The following KCNQ1 variants were observed in gnomAD, a reference collection of about 807,000 sequenced individuals.
KCNQ1 encodes potassium voltage-gated channel subfamily KQT member 1.
Under a neutral mutation model 72.4 loss-of-function variants are expected in KCNQ1, and 49 were observed. The observed-to-expected ratio is 0.68, with a 90% confidence interval of 0.54 to 0.86. KCNQ1 has a LOEUF of 0.86. Among genes scored for constraint, KCNQ1 ranks in the 40% least tolerant of loss-of-function variants. KCNQ1 has a pLI of 0.00. For missense variants in KCNQ1, 790 were observed against 945.1 expected (o/e 0.84, Z 2.15); for synonymous variants, 450 against 412.6 (o/e 1.09, Z -1.10).
Position 2,803,204 on chromosome 11 carries a change from C to T in KCNQ1, c.1794+25167C>T, listed in dbSNP as rs957507471. Among the ~76,000 whole-genome samples the T allele has an allele frequency of 1.3e-5, 2 of 152,148 alleles. No homozygotes were observed. Among genetic ancestry groups the T allele is most frequent in the African/African-American group, 4.8e-5 (2 of 41,418 alleles). On this transcript the variant is annotated intron_variant, in intron 15 of 15. Coordinates refer to ENST00000155840, the MANE Select transcript of KCNQ1 (RefSeq NM_000218.3). This position sits in a 1 kb window ranked among gnomAD's most constrained non-coding sequence, Gnocchi z 6.4. The stretch of plus-strand genomic sequence containing the variant: ...AACCGCCCTGGCTTTGCTGGAGGAC[C>T]TGCCATGGCTTTGCCAGAAGACCCT...
chr11:2,547,923 G>A lies in KCNQ1; in HGVS notation c.477+19905G>A, dbSNP rs1392522685. Among the ~76,000 whole-genome samples, 3 of 152,218 alleles carry A rather than the reference G, an allele frequency of 2.0e-5. No individual in the cohort carries two copies. The highest frequency in any genetic ancestry group is 4.4e-5 in the Non-Finnish European group (3 of 68,042). On this transcript the variant is annotated intron_variant, in intron 2 of 15. Coordinates refer to ENST00000155840, the MANE Select transcript of KCNQ1 (RefSeq NM_000218.3). The surrounding 1 kb of genome is among the most constrained non-coding windows in gnomAD (Gnocchi z 4.2). ...GACCCGGATGGGGCGTGTGCCTGGC[G>A]CGGGTGGAGGGAGCTGTGAGGAGCC...
At chr11:2,837,378 GGAGAGCCC>G (rs1848092382) in intron 15 of KCNQ1, among the ~76,000 whole-genome samples, 1 of 152,104 alleles carries the variant, frequency 6.6e-6, no homozygotes, top group South Asian at 2.1e-4. Flanking sequence ...CTGGGGCCCA[GGAGAGCCC>G]GCTCCGCGCT....
intron 1 of KCNQ1, among the ~76,000 whole-genome samples, chr11:2,445,935 TG>T (rs1846030709): frequency 6.6e-6 from 1 of 151,962 alleles, no homozygotes; most frequent in African/African-American, 2.4e-5. Context: ...GAGGCCCAGG[TG>T]GACTCTGGGG....
At chr11:2,837,470 C>T (rs918470386) in intron 15 of KCNQ1, among the ~76,000 whole-genome samples, 6 of 152,244 alleles carry the variant, frequency 3.9e-5, no homozygotes, top group Non-Finnish European at 8.8e-5. Flanking sequence ...GACTCCCCGG[C>T]CCCTCCCTGC....
In KCNQ1 at chr11:2,451,237, C is replaced by T. The variant is rs112292464; in HGVS notation, c.386+5753C>T. Among the ~76,000 whole-genome samples, 4,219 of 152,252 alleles carry T rather than the reference C, an allele frequency of 0.028. 194 individuals carry two copies. Among genetic ancestry groups the T allele is most frequent in the African/African-American group, 0.097 (4,023 of 41,510 alleles). Reference sequence around the variant, plus strand: ...TGATCTTGGGATGAAACTGTTCCATCTCAGATCATCAGGTATTAGATTCTC... The same window carrying T: ...TGATCTTGGGATGAAACTGTTCCATTTCAGATCATCAGGTATTAGATTCTC... On this transcript the variant is annotated intron_variant, in intron 1 of 15. Transcript: ENST00000155840. This position sits in a 1 kb window ranked among gnomAD's most constrained non-coding sequence, Gnocchi z 6.4.
At position 2,764,940 on chromosome 11, in the gene KCNQ1, C is replaced by A. The variant is rs1215348648; in HGVS notation, c.1515-3904C>A. On this transcript the variant is annotated intron_variant, in intron 11 of 15. Transcript: ENST00000155840. This position sits in a 1 kb window ranked among gnomAD's most constrained non-coding sequence, Gnocchi z 4.8. ...CTGTTTTATTAGTCTCTTCTGAGAACCAAATTTTGGCTTTGTTGATTTTCC... is the reference window on the plus strand; with the variant it reads ...CTGTTTTATTAGTCTCTTCTGAGAAACAAATTTTGGCTTTGTTGATTTTCC... 6.6e-6 allele frequency among the ~76,000 whole-genome samples: 1 copy of A among 152,100 alleles called. No individual in the cohort carries two copies. The highest frequency in any genetic ancestry group is 2.4e-5 in the African/African-American group (1 of 41,416).
rs1243397320 is a variant in KCNQ1 at position 2,766,266 on chromosome 11, T to C, written c.1515-2578T>C. 1.3e-5 allele frequency among the ~76,000 whole-genome samples: 2 copies of C among 152,208 alleles called. No homozygotes were observed. Among genetic ancestry groups the C allele is most frequent in the Admixed American group, 6.5e-5 (1 of 15,284 alleles). ...AGCTCACAAATCTATGGGTCAGCAA[T>C]CTGGGCTGCCCAGTTGGGTGGTCTC... On this transcript the variant is annotated intron_variant, in intron 11 of 15. Coordinates refer to ENST00000155840, the MANE Select transcript of KCNQ1 (RefSeq NM_000218.3). This position sits in a 1 kb window ranked among gnomAD's most constrained non-coding sequence, Gnocchi z 4.4.
intron 10 of KCNQ1, chr11:2,622,089 A>G: frequency 2.5e-6 from 1 of 398,262 alleles, no homozygotes; most frequent in Non-Finnish European, 4.4e-6. Context: ...ATTTGTCTGA[A>G]GATATTTTTA....
chr11:2,696,879 T>A (rs1341114942), intron 11 of KCNQ1: 2 of 397,838 alleles, frequency 5.0e-6, no homozygotes, highest in Non-Finnish European at 8.8e-6. Context: ...AGAAATGTGG[T>A]TTGTTTTTGT....
intron 11 of KCNQ1, among the ~76,000 whole-genome samples, chr11:2,708,887 C>A (rs573744845): frequency 1.2e-4 from 19 of 152,158 alleles, no homozygotes; most frequent in Middle Eastern, 3.4e-3. Flanking sequence ...TTTACGTCTG[C>A]GGCAAAGCAC....
intron 11 of KCNQ1, among the ~76,000 whole-genome samples, chr11:2,739,600 GT>G (rs1472527510): frequency 1.3e-5 from 2 of 152,240 alleles, no homozygotes; most frequent in Non-Finnish European, 2.9e-5. Flanking sequence ...TGGTGTCCTG[GT>G]TTTTTAACAA....
At position 2,766,128 on chromosome 11, in the gene KCNQ1, T is replaced by C. The variant is rs1846494539; in HGVS notation, c.1515-2716T>C. ...ACTTCCTTTTTATGTATCTATAAAT[T>C]TTATTTCTCTGGTAAAATTGTCTAT... is the stretch of plus-strand genomic sequence containing the variant. On this transcript the variant is annotated intron_variant, in intron 11 of 15. Transcript: ENST00000155840. The surrounding 1 kb of genome is among the most constrained non-coding windows in gnomAD (Gnocchi z 4.4). Among the ~76,000 whole-genome samples the C allele has an allele frequency of 6.6e-6, 1 of 152,232 alleles. No homozygotes were observed. Among genetic ancestry groups the C allele is most frequent in the Admixed American group, 6.5e-5 (1 of 15,286 alleles).
At chr11:2,788,824 C>A (rs1214513982) in intron 15 of KCNQ1, among the ~76,000 whole-genome samples, 1 of 152,148 alleles carries the variant, frequency 6.6e-6, no homozygotes, top group African/African-American at 2.4e-5. Flanking sequence ...CAAAGATAAA[C>A]CTATAATGAA....
chr11:2,775,325 G>A (rs1398804188), intron 12 of KCNQ1, among the ~76,000 whole-genome samples: 1 of 152,210 alleles, frequency 6.6e-6, no homozygotes, highest in Admixed American at 6.5e-5. Flanking sequence ...GGGAGCCCTG[G>A]GGTCCCCTGC....
At chr11:2,836,787 C>T (rs541553002) in intron 15 of KCNQ1, among the ~76,000 whole-genome samples, 149 of 152,296 alleles carry the variant, frequency 9.8e-4, no homozygotes, top group African/African-American at 3.2e-3. Flanking sequence ...GCACGAGCTG[C>T]GTATCAAAGT....
chr11:2,483,538 C>A lies in KCNQ1; in HGVS notation c.386+38054C>A, dbSNP rs1468455081. Reference sequence around the variant, plus strand: ...TGCTTTCAGCTGCCAGGTCTCCTTTCGTGTCCTGCAGCCTGTGCCAGCTCC... The same window carrying A: ...TGCTTTCAGCTGCCAGGTCTCCTTTAGTGTCCTGCAGCCTGTGCCAGCTCC... On this transcript the variant is annotated intron_variant, in intron 1 of 15. Transcript: ENST00000155840. The surrounding 1 kb of genome is among the most constrained non-coding windows in gnomAD (Gnocchi z 6.1). Among the ~76,000 whole-genome samples the A allele has an allele frequency of 6.6e-6, 1 of 152,142 alleles. No individual in the cohort carries two copies. Among genetic ancestry groups the A allele is most frequent in the Non-Finnish European group, 1.5e-5 (1 of 68,032 alleles).
chr11:2,678,353 A>C lies in KCNQ1; in HGVS notation c.1514+16272A>C, dbSNP rs1850328802. On this transcript the variant is annotated intron_variant, in intron 11 of 15. Transcript: ENST00000155840. This position sits in a 1 kb window ranked among gnomAD's most constrained non-coding sequence, Gnocchi z 4.9. ...ACATTTAAATCCTTGCTTTATCGGG[A>C]TTTTGACAGAGTAATTAAATCCAAT... 5.0e-6 allele frequency: 2 copies of C among 398,152 alleles called. No homozygotes were observed. The highest frequency in any genetic ancestry group is 8.9e-6 in the Non-Finnish European group (2 of 225,924). The allele number at this position is 398,152 out of a possible 1,614,324, so 24.7% of individuals were successfully genotyped here.
chr11:2,490,179 C>T (rs946851040), intron 1 of KCNQ1, among the ~76,000 whole-genome samples: 3 of 151,714 alleles, frequency 2.0e-5, no homozygotes, highest in Non-Finnish European at 4.4e-5. Flanking sequence ...GGGAGAGGCT[C>T]CTTTGCCTAT....
At chr11:2,789,667 C>G (rs1288167807) in intron 15 of KCNQ1, among the ~76,000 whole-genome samples, 1 of 152,234 alleles carries the variant, frequency 6.6e-6, no homozygotes, top group Admixed American at 6.5e-5. Context: ...GTCGGCCTCC[C>G]CCTTCCCAGG....
Sources: allele counts gnomAD v4.1 joint callset (sites outside exome capture counted in the v4.1 genomes callset), GRCh38; gene constraint gnomAD v4.1.1; non-coding constraint Gnocchi (gnomAD v3.1); transcripts MANE v1.5; gene names NCBI Gene and HGNC (gene_info 2026-07-23, HGNC 2026-07-21).